Variants in TMC6 observed in about 807,000 individuals in gnomAD.
TMC6 encodes the protein transmembrane channel like 6.
In TMC6, 71 loss-of-function variants were observed where a neutral mutation model predicts 95.4. The observed-to-expected ratio is 0.74, with a 90% CI of 0.61 to 0.91. The LOEUF (loss-of-function observed/expected upper bound fraction) is 0.91. Among genes scored for constraint, TMC6 ranks in the 40% least tolerant of loss-of-function variants. The pLI is 0.00. For missense variants in TMC6, 1,074 were observed against 1,079.1 expected, an observed-to-expected ratio of 1.00 and a Z score of 0.07; for synonymous variants, 514 against 483.1, an observed-to-expected ratio of 1.06 and a Z score of -0.84.
In TMC6 at chr17:78,108,913, T is replaced by C. The variant is rs983010646; in HGVS notation, c.*4235A>G. Reference sequence around the variant, plus strand: ...TGGAGTGCAGTGATGTAATCTCGGCTCACTGCAACCTTGACCTCAAGGTTA... The same window carrying C: ...TGGAGTGCAGTGATGTAATCTCGGCCCACTGCAACCTTGACCTCAAGGTTA... On this transcript the variant is annotated 3_prime_UTR_variant, in exon 20 of 20. Transcript: ENST00000590602. The C allele has an allele frequency of 1.3e-5, 2 of 154,862 alleles. No homozygotes were observed. The highest frequency in any genetic ancestry group is 4.8e-5 in the African/African-American group (2 of 41,438). 9.6% of individuals were successfully genotyped at this position (154,862 alleles called of 1,614,324 possible). A position where few individuals can be genotyped will look rare whatever the true frequency, so the allele number is the denominator to read the frequency against.
At chr17:78,131,832 G>T (rs1437209268), upstream of TMC6, 3 of 1,490,330 alleles carry the variant, frequency 2.0e-6, no homozygotes, top group African/African-American at 4.2e-5. Context: ...CTTGGCCCGG[G>T]TGGGCAGGGC....
intron 12 of TMC6, 39 bp from the exon 13 acceptor site, chr17:78,120,871 A>G: frequency 6.2e-7 from 1 of 1,610,698 alleles, no homozygotes; most frequent in South Asian, 1.1e-5. Context: ...GGGCGGGTAC[A>G]GGGGACAGAA....
At chr17:78,115,547 C>T (rs528198940) in intron 18 of TMC6, among the ~76,000 whole-genome samples, 59 of 152,200 alleles carry the variant, frequency 3.9e-4, no homozygotes, top group Admixed American at 2.9e-3. Flanking sequence ...CTGGGTAGCC[C>T]GGGGGGAAAG....
chr17:78,114,428 C>T (rs890840577), intron 18 of TMC6, among the ~76,000 whole-genome samples: 72 of 152,280 alleles, frequency 4.7e-4, no homozygotes, highest in Middle Eastern at 3.4e-3. Context: ...CGCAACGTAA[C>T]GTATTCACAG....
Position 78,121,644 on chromosome 17 carries a change from G to T in TMC6, c.1295C>A (p.Ala432Asp). 1 of 1,602,246 alleles carries T rather than the reference G, an allele frequency of 6.2e-7. No homozygotes were observed. The highest frequency in any genetic ancestry group is 8.5e-7 in the Non-Finnish European group (1 of 1,176,640). Residue 432 changes from alanine to aspartate, a missense_variant, in exon 11 of 20, where the codon GCT becomes GAT. Coordinates refer to ENST00000590602, the MANE Select transcript of TMC6 (RefSeq NM_001127198.5). The surrounding 1 kb of genome is among the most constrained non-coding windows in gnomAD (Gnocchi z 5.6). ...CAGCAGCCACACAAGCCCCAGCACAGCCGCCTGCCGCAGCCTCCCGCACAC... is the reference window on the plus strand; with the variant it reads ...CAGCAGCCACACAAGCCCCAGCACATCCGCCTGCCGCAGCCTCCCGCACAC... ...RSVCGRLRQA[A>D]VLGLVWLLCL... is the part of the protein sequence containing the mutation.
At chr17:78,118,121 G>T in intron 15 of TMC6, 186 bp from the exon 16 acceptor site, 4 of 1,040,826 alleles carry the variant, frequency 3.8e-6, no homozygotes, top group Non-Finnish European at 5.5e-6. Flanking sequence ...ACGCAAACGG[G>T]TGATGCCAAC....
Position 78,121,141 on chromosome 17 carries a change from C to A in TMC6, c.1407G>T (p.Glu469Asp). ...MIQSPEAAGQ[E>D]AVLLVLPLVV... The stretch of plus-strand genomic sequence containing the variant: ...CCAGGGGCAGGACCAGCAGCACAGC[C>A]TCCTGGCCAGCAGCCTCTGGACTCT... Residue 469 changes from glutamate to aspartate, a missense_variant, in exon 12 of 20, where the codon GAG (glutamate) becomes GAT (aspartate). Coordinates refer to ENST00000590602, the MANE Select transcript of TMC6 (RefSeq NM_001127198.5). This position sits in a 1 kb window ranked among gnomAD's most constrained non-coding sequence, Gnocchi z 5.6. The A allele has an allele frequency of 6.2e-7, 1 of 1,602,292 alleles. No homozygotes were observed. The highest frequency in any genetic ancestry group is 8.5e-7 in the Non-Finnish European group (1 of 1,175,226).
chr17:78,123,635 GGGTGAACT>G (rs2074536439), intron 9 of TMC6, among the ~76,000 whole-genome samples: 1 of 148,726 alleles, frequency 6.7e-6, no homozygotes, highest in Non-Finnish European at 1.5e-5. Context: ...GTGGATGGGT[GGGTGAACT>G]GATTGGGTGA....
chr17:78,123,103 A>C, intron 9 of TMC6: 3 of 392,834 alleles, frequency 7.6e-6, no homozygotes, highest in South Asian at 4.4e-5. Context: ...TTCCTTATCC[A>C]TCCCCACTCT....
At position 78,113,127 on chromosome 17, in the gene TMC6, G is replaced by A. The variant is rs1489794597; in HGVS notation, c.*21C>T. ...TGGTCTCAGGGTGCTGGGCGGGCCCGTGAGGCCCATCGCCGTCCCCCTAGG... is the reference window on the plus strand; with the variant it reads ...TGGTCTCAGGGTGCTGGGCGGGCCCATGAGGCCCATCGCCGTCCCCCTAGG... On this transcript the variant is annotated 3_prime_UTR_variant, in exon 20 of 20. Transcript: ENST00000590602. 9 of 1,550,760 alleles carry A rather than the reference G, an allele frequency of 5.8e-6. No individual in the cohort carries two copies. Among genetic ancestry groups the A allele is most frequent in the East Asian group, 4.9e-5 (2 of 41,160 alleles).
rs144035386 is a variant in TMC6, at chr17:78,109,177, A to G, written c.*3971T>C. The G allele has an allele frequency of 2.3e-4, 73 of 323,690 alleles. No homozygotes were observed. The highest frequency in any genetic ancestry group is 1.4e-3 in the Middle Eastern group (3 of 2,156). 20.1% of individuals were successfully genotyped at this position (323,690 alleles called of 1,614,324 possible). A position where few individuals can be genotyped will look rare whatever the true frequency, so the allele number is the denominator to read the frequency against. On this transcript the variant is annotated 3_prime_UTR_variant, in exon 20 of 20. Coordinates refer to ENST00000590602, the MANE Select transcript of TMC6 (RefSeq NM_001127198.5). ...GCAGAACGGTAAAGGCAGAAAGCAC[A>G]GTGCCCAGCAGCTAGCAGTGTGGCG... is the stretch of plus-strand genomic sequence containing the variant.
Position 78,117,897 on chromosome 17 carries a change from G to C in TMC6, c.1926C>G (p.Pro642=). The change falls in exon 16 of 20, where the codon CCC becomes CCG. Residue 642 remains proline, a synonymous_variant. Coordinates refer to ENST00000590602, the MANE Select transcript of TMC6 (RefSeq NM_001127198.5). ...LLANCQAPRR[P]WLASHMSTVF... is the part of the protein sequence containing the mutation. Reference sequence around the variant, plus strand: ...CGGTGCTCATGTGTGAGGCCAGCCAGGGCCGGCGCGGCGCCTGGCAGTTGG... The same window carrying C: ...CGGTGCTCATGTGTGAGGCCAGCCACGGCCGGCGCGGCGCCTGGCAGTTGG... 1 of 1,605,628 alleles carries C rather than the reference G, an allele frequency of 6.2e-7. No individual in the cohort carries two copies. Among genetic ancestry groups the C allele is most frequent in the Non-Finnish European group, 8.5e-7 (1 of 1,176,788 alleles).
At chr17:78,127,620 C>A (rs1215825567) in intron 1 of TMC6, among the ~76,000 whole-genome samples, 1 of 152,232 alleles carries the variant, frequency 6.6e-6, no homozygotes, top group Non-Finnish European at 1.5e-5. Context: ...GCTCGGGGCC[C>A]GTTCATCTGT....
Position 78,120,718 on chromosome 17 carries a change from G to A in TMC6, c.1650C>T (p.Tyr550=), listed in dbSNP as rs1487736865. 6.2e-7 allele frequency: 1 copy of A among 1,613,868 alleles called. No individual in the cohort carries two copies. Among genetic ancestry groups the A allele is most frequent in the African/African-American group, 1.3e-5 (1 of 74,932 alleles). The change falls in exon 13 of 20, where the codon TAC becomes TAT. Residue 550 remains tyrosine (Y), a synonymous_variant. Coordinates refer to ENST00000590602, the MANE Select transcript of TMC6 (RefSeq NM_001127198.5). ...GGACGAAGTCCATCACCAGGAACCG[G>A]TACAGCTCCTGGCCCACAAAATCCT... The part of the protein sequence containing the change: ...CWEDFVGQEL[Y]RFLVMDFVLM...
rs747754862 is a variant in TMC6, at chr17:78,124,179, C to T, written c.892G>A (p.Gly298Ser). 1.9e-6 allele frequency: 3 copies of T among 1,611,260 alleles called. No homozygotes were observed. The highest frequency in any genetic ancestry group is 2.2e-5 in the East Asian group (1 of 44,878). Residue 298 changes from glycine to serine, a missense_variant and splice_region_variant, in exon 9 of 20, where the codon GGT (glycine) becomes AGT (serine). Transcript: ENST00000590602. The stretch of plus-strand genomic sequence containing the variant: ...TACATGACGGTGTGGGTGAAGCAAC[C>T]CTGCCACAGGGAGATCCAGCCGAGT... ...CTGLELLTGAGCFTHTVMYYG... is the reference protein window; with the variant it reads ...CTGLELLTGASCFTHTVMYYG...
chr17:78,117,351 C>T lies in TMC6; in HGVS notation c.2199-4G>A, dbSNP rs533466569. 154 of 1,613,266 alleles carry T rather than the reference C, an allele frequency of 9.5e-5. 3 individuals are homozygous for T. The South Asian group carries it at 1.4e-3, about 15-fold the overall frequency. ...GATGTTGAGGTAGATCACGGCCCTG[C>T]GGGAGAGGGGCTGTCGGGCAGGGCC... is the stretch of plus-strand genomic sequence containing the variant. On this transcript the variant is annotated splice_polypyrimidine_tract_variant and splice_region_variant and intron_variant, in intron 17 of 19. Transcript: ENST00000590602.
intron 18 of TMC6, among the ~76,000 whole-genome samples, chr17:78,114,791 C>T (rs926107500): frequency 3.3e-5 from 5 of 152,312 alleles, no homozygotes; most frequent in Non-Finnish European, 7.4e-5. Flanking sequence ...TGCACTTGAG[C>T]CATGCCGACC....
intron 18 of TMC6, among the ~76,000 whole-genome samples, chr17:78,114,436 C>T (rs866493617): frequency 6.6e-6 from 1 of 152,192 alleles, no homozygotes; most frequent in Admixed American, 6.5e-5. Context: ...AACGTATTCA[C>T]AGGCTCCATC....
upstream of TMC6, chr17:78,131,479 G>A: frequency 6.8e-7 from 1 of 1,460,986 alleles, no homozygotes. Context: ...CCCGCCCCCA[G>A]CCCAGCGTGC....
Sources: gnomAD v4.1 joint callset for allele counts (sites outside exome capture counted in the v4.1 genomes callset) on GRCh38, gnomAD v4.1.1 for gene constraint, Gnocchi (gnomAD v3.1) non-coding constraint, MANE v1.5 for transcripts, NCBI Gene and HGNC (gene_info 2026-07-23, HGNC 2026-07-21) for gene names.